PRKG1: variants seen among roughly 807,000 people sequenced by gnomAD.
The protein encoded by PRKG1 is protein kinase cGMP-dependent 1, also known as cGMP-dependent protein kinase 1.
In PRKG1, 35 loss-of-function variants were observed where a neutral mutation model predicts 88.1. The observed-to-expected ratio is 0.40, with a 90% CI of 0.30 to 0.53. The LOEUF is 0.53. Ranked by LOEUF, PRKG1 falls within the 20% of genes least tolerant of loss-of-function variation. The probability of loss-of-function intolerance (pLI) is 0.59; values close to 1 mark genes in which losing one functional copy is unlikely to be tolerated. For missense variants in PRKG1, 540 were observed against 839.8 expected, an observed-to-expected ratio of 0.64 and a Z score of 4.41; for synonymous variants, 303 against 292.5, an observed-to-expected ratio of 1.04 and a Z score of -0.37.
intron 8 of PRKG1, among the ~76,000 whole-genome samples, chr10:52,146,152 T>C (rs1231964651): frequency 6.6e-6 from 1 of 152,184 alleles, no homozygotes; most frequent in African/African-American, 2.4e-5. Context: ...ATTATTCCCA[T>C]GGGGTTCACT....
chr10:51,137,366 C>A (rs1015930853), intron 1 of PRKG1, among the ~76,000 whole-genome samples: 1 of 151,968 alleles, frequency 6.6e-6, no homozygotes, highest in African/African-American at 2.4e-5. Context: ...AGTAAATATA[C>A]CAACAACTGG....
intron 5 of PRKG1, among the ~76,000 whole-genome samples, chr10:51,953,615 T>C (rs1843235903): frequency 6.6e-6 from 1 of 152,104 alleles, no homozygotes; most frequent in Non-Finnish European, 1.5e-5. Flanking sequence ...ATCTCCAGAG[T>C]CTACCACAGT....
intron 2 of PRKG1, among the ~76,000 whole-genome samples, chr10:51,411,149 A>G (rs1218490724): frequency 6.6e-6 from 1 of 152,064 alleles, no homozygotes; most frequent in Non-Finnish European, 1.5e-5. Flanking sequence ...ACAGGTGTGC[A>G]CCACCACGCT....
intron 4 of PRKG1, among the ~76,000 whole-genome samples, chr10:51,851,483 A>C (rs948166592): frequency 2.6e-4 from 40 of 152,268 alleles, no homozygotes; most frequent in African/African-American, 9.4e-4. Flanking sequence ...TGAGACTGAC[A>C]AACGCTTCCC....
intron 8 of PRKG1, among the ~76,000 whole-genome samples, chr10:52,161,132 G>A (rs1488548283): frequency 1.3e-5 from 2 of 151,814 alleles, no homozygotes; most frequent in South Asian, 2.1e-4. Flanking sequence ...GGCGATTCTG[G>A]TATACATGTG....
chr10:52,197,573 T>G (rs1839541908), intron 9 of PRKG1, among the ~76,000 whole-genome samples: 1 of 152,172 alleles, frequency 6.6e-6, no homozygotes, highest in South Asian at 2.1e-4. Flanking sequence ...TCTGGCTGTT[T>G]TCCTTGCTAA....
chr10:52,028,673 G>A (rs1274520325), intron 5 of PRKG1, among the ~76,000 whole-genome samples: 2 of 152,114 alleles, frequency 1.3e-5, no homozygotes, highest in Admixed American at 1.3e-4. Flanking sequence ...ACCCTAAGGT[G>A]CGTTTGCTTC....
intron 2 of PRKG1, among the ~76,000 whole-genome samples, chr10:51,251,603 G>GA (rs11392065): frequency 0.17 from 26,082 of 151,236 alleles, 4,140 homozygotes; most frequent in African/African-American, 0.42. Flanking sequence ...TAGGAACACA[G>GA]AAAAAAAATG....
intron 8 of PRKG1, among the ~76,000 whole-genome samples, chr10:52,160,871 A>G (rs1230025861): frequency 2.0e-5 from 3 of 152,082 alleles, no homozygotes; most frequent in African/African-American, 7.2e-5. Flanking sequence ...GTATTTCAAA[A>G]TAAAAGAATT....
intron 13 of PRKG1, among the ~76,000 whole-genome samples, chr10:52,281,684 T>G (rs549984690): frequency 1.3e-5 from 2 of 152,160 alleles, no homozygotes; most frequent in Non-Finnish European, 2.9e-5. Flanking sequence ...GTCCCAAAAC[T>G]ATCTTACTCA....
At chr10:52,193,563 C>CCAA (rs1554816000) in intron 9 of PRKG1, among the ~76,000 whole-genome samples, 2 of 118,524 alleles carry the variant, frequency 1.7e-5, no homozygotes, top group Non-Finnish European at 1.7e-5. Flanking sequence ...AAAAAAAAAA[C>CCAA]AAAAAAAAAA....
chr10:51,476,032 C>T (rs1235346222), intron 3 of PRKG1, among the ~76,000 whole-genome samples: 1 of 152,022 alleles, frequency 6.6e-6, no homozygotes, highest in African/African-American at 2.4e-5. Context: ...ACCTTTTGTA[C>T]TCATAGTGGA....
chr10:52,037,012 G>A (rs529627669), intron 5 of PRKG1, among the ~76,000 whole-genome samples: 203 of 152,378 alleles, frequency 1.3e-3, no homozygotes, highest in African/African-American at 4.4e-3. Context: ...CTTCCGAGGC[G>A]ATCAAGCAGT....
intron 7 of PRKG1, among the ~76,000 whole-genome samples, chr10:52,069,230 T>TA (rs1846432690): frequency 6.6e-6 from 1 of 152,206 alleles, no homozygotes; most frequent in African/African-American, 2.4e-5. Flanking sequence ...TTTTTTCTTT[T>TA]AAAAAATTAA....
At chr10:51,116,974 A>G (rs1479720127) in intron 1 of PRKG1, among the ~76,000 whole-genome samples, 1 of 152,178 alleles carries the variant, frequency 6.6e-6, no homozygotes, top group Non-Finnish European at 1.5e-5. Context: ...GTGGAATCAT[A>G]AGAGGGAATG....
intron 3 of PRKG1, among the ~76,000 whole-genome samples, chr10:51,615,454 A>G (rs1306827751): frequency 1.3e-5 from 2 of 152,066 alleles, no homozygotes; most frequent in Non-Finnish European, 1.5e-5. Flanking sequence ...TTTTCTCTCC[A>G]GGATACTGAT....
chr10:52,188,313 CATATGTATATATAT>C (rs1839271994), intron 9 of PRKG1, among the ~76,000 whole-genome samples: 3 of 108,686 alleles, frequency 2.8e-5, no homozygotes, highest in South Asian at 3.0e-4. Flanking sequence ...TATATATATA[CATATGTATATATAT>C]ACACATATAT....
intron 2 of PRKG1, among the ~76,000 whole-genome samples, chr10:51,306,141 C>A (rs1841030722): frequency 6.6e-6 from 1 of 152,182 alleles, no homozygotes; most frequent in Admixed American, 6.5e-5. Flanking sequence ...GTAACAGAAC[C>A]TGGATTGAAA....
chr10:51,794,725 T>C (rs1433682328), intron 3 of PRKG1, among the ~76,000 whole-genome samples: 2 of 152,032 alleles, frequency 1.3e-5, no homozygotes, highest in African/African-American at 4.8e-5. Flanking sequence ...TAAAACATTA[T>C]GTGGTACACA....
Sources: gnomAD v4.1 joint callset for allele counts (sites outside exome capture counted in the v4.1 genomes callset) on GRCh38, gnomAD v4.1.1 for gene constraint, MANE v1.5 for transcripts, NCBI Gene and HGNC (gene_info 2026-07-23, HGNC 2026-07-21) for gene names.